Variants in LRRC8D observed in about 807,000 individuals in gnomAD.
LRRC8D encodes leucine rich repeat containing 8 VRAC subunit D.
A neutral mutation model predicts 55.8 loss-of-function variants in LRRC8D; 20 were observed. The ratio of observed to expected loss-of-function variants is 0.36; its 90% CI spans 0.25 to 0.52. The LOEUF is 0.52. LRRC8D is among the 20% of genes least tolerant of loss of function. The pLI, the probability that LRRC8D is intolerant of heterozygous loss-of-function variation, is 0.93. For synonymous variants in LRRC8D, 352 were observed against 377.0 expected (o/e 0.93, Z 0.77); for missense variants, 651 against 1,030.8 (o/e 0.63, Z 5.05).
At chr1:89,829,433 C>T (rs539375317) in intron 1 of LRRC8D, among the ~76,000 whole-genome samples, 20 of 152,270 alleles carry the variant, frequency 1.3e-4, no homozygotes, top group African/African-American at 2.9e-4. Context: ...ATAGAAGTGG[C>T]GGAGGTGGAA....
chr1:89,931,185 A>G (rs1663695937), intron 2 of LRRC8D, among the ~76,000 whole-genome samples: 1 of 144,470 alleles, frequency 6.9e-6, no homozygotes, highest in South Asian at 2.4e-4. Context: ...TCATTGCTGT[A>G]GTATTCATTG....
chr1:89,920,387 A>C (rs938584597), intron 2 of LRRC8D, among the ~76,000 whole-genome samples: 1 of 152,322 alleles, frequency 6.6e-6, no homozygotes, highest in Admixed American at 6.5e-5. Flanking sequence ...GTGGTTAGCA[A>C]AATGGGTGGT....
chr1:89,934,795 A>G lies in LRRC8D; in HGVS notation c.1727A>G (p.Asn576Ser), dbSNP rs373779774. Reference sequence around the variant, plus strand: ...ATAGGCAATTTGAACTCTGAAAACAATAAGATGATAGGACTTGAATCTCTC... The same window carrying G: ...ATAGGCAATTTGAACTCTGAAAACAGTAAGATGATAGGACTTGAATCTCTC... ...YLIGNLNSEN[N>S]KMIGLESLRE... The change falls in exon 3 of 3, where the codon AAT (asparagine) becomes AGT (serine). Residue 576 changes from asparagine (N) to serine (S), a missense_variant. Physicochemically the swap from Asn to Ser is conservative, Grantham distance 46 (BLOSUM62 1). This residue lies in a region of LRRC8D where 338 missense variants were observed against 479.4 expected (regional missense o/e 0.71). Coordinates refer to ENST00000337338, the MANE Select transcript of LRRC8D (RefSeq NM_001134479.2). This position sits in a 1 kb window ranked among gnomAD's most constrained non-coding sequence, Gnocchi z 5.9. The G allele has an allele frequency of 6.8e-6, 11 of 1,614,048 alleles. No homozygotes were observed. The highest frequency in any genetic ancestry group is 2.2e-5 in the East Asian group (1 of 44,900).
rs72716349 is a variant in LRRC8D at position 89,911,610 on chromosome 1, C to T, written c.-2-21457C>T. Among the ~76,000 whole-genome samples the T allele has an allele frequency of 0.012, 1,831 of 152,214 alleles. 12 individuals are homozygous for T. The highest frequency in any genetic ancestry group is 0.02 in the Non-Finnish European group (1,359 of 68,016). Reference sequence around the variant, plus strand: ...ACCCTCCCATCATACCTGCCTCCCCCGCTTGCTGTTGTACCAGCCTTTTGT... The same window carrying T: ...ACCCTCCCATCATACCTGCCTCCCCTGCTTGCTGTTGTACCAGCCTTTTGT... On this transcript the variant is annotated intron_variant, in intron 2 of 2. Transcript: ENST00000337338. The surrounding 1 kb of genome is among the most constrained non-coding windows in gnomAD (Gnocchi z 4.0).
intron 1 of LRRC8D, among the ~76,000 whole-genome samples, chr1:89,825,811 C>T (rs1321687971): frequency 6.6e-6 from 1 of 152,200 alleles, no homozygotes; most frequent in Admixed American, 6.5e-5. Flanking sequence ...CCAAGTTCTC[C>T]AAATACTCTA....
intron 2 of LRRC8D, among the ~76,000 whole-genome samples, chr1:89,925,083 G>T (rs1372225848): frequency 6.6e-6 from 1 of 152,142 alleles, no homozygotes; most frequent in Non-Finnish European, 1.5e-5. Context: ...AGTGAGCAAA[G>T]CTTCATCTGT....
At chr1:89,918,302 T>TA (rs1176018467) in intron 2 of LRRC8D, among the ~76,000 whole-genome samples, 2 of 152,236 alleles carry the variant, frequency 1.3e-5, no homozygotes, top group Non-Finnish European at 2.9e-5. Flanking sequence ...CAGCAGCTGT[T>TA]ACTCAGTGCT....
intron 2 of LRRC8D, among the ~76,000 whole-genome samples, chr1:89,896,293 G>A (rs758374661): frequency 4.7e-4 from 72 of 152,170 alleles, no homozygotes; most frequent in African/African-American, 1.7e-3. Context: ...GGAAGGGAGG[G>A]GTCGTAAACT....
intron 2 of LRRC8D, among the ~76,000 whole-genome samples, chr1:89,892,710 C>T (rs1474036898): frequency 1.3e-5 from 2 of 152,068 alleles, no homozygotes; most frequent in African/African-American, 2.4e-5. Flanking sequence ...TTAGTAGAGA[C>T]GGAGTTTCAC....
At chr1:89,886,474 A>G (rs774683282) in intron 2 of LRRC8D, among the ~76,000 whole-genome samples, 1 of 152,204 alleles carries the variant, frequency 6.6e-6, no homozygotes, top group Non-Finnish European at 1.5e-5. Flanking sequence ...GTAAAATCAT[A>G]GTAGCAATTA....
intron 2 of LRRC8D, among the ~76,000 whole-genome samples, chr1:89,873,298 G>A (rs1662067968): frequency 6.6e-6 from 1 of 152,246 alleles, no homozygotes; most frequent in Admixed American, 6.5e-5. Context: ...AGCCTTCTGG[G>A]AAGAGAATGC....
intron 1 of LRRC8D, among the ~76,000 whole-genome samples, chr1:89,823,816 G>C (rs972803989): frequency 6.6e-6 from 1 of 152,220 alleles, no homozygotes; most frequent in African/African-American, 2.4e-5. Flanking sequence ...TAAGAATCCA[G>C]GGTGTGTGGA....
intron 2 of LRRC8D, among the ~76,000 whole-genome samples, chr1:89,882,321 A>G (rs114889232): frequency 0.011 from 1,724 of 152,300 alleles, 38 homozygotes; most frequent in African/African-American, 0.04. Flanking sequence ...CTTGCTTCCT[A>G]CCATTCATTT....
At chr1:89,821,681 C>T (rs982872108) in intron 1 of LRRC8D, among the ~76,000 whole-genome samples, 1 of 152,116 alleles carries the variant, frequency 6.6e-6, no homozygotes, top group Non-Finnish European at 1.5e-5. Flanking sequence ...TGGTTCCTCC[C>T]GGAGGTGGGT....
At chr1:89,924,631 T>G (rs953737853) in intron 2 of LRRC8D, among the ~76,000 whole-genome samples, 1 of 152,220 alleles carries the variant, frequency 6.6e-6, no homozygotes, top group Non-Finnish European at 1.5e-5. Context: ...ATTGCAGCAC[T>G]ATTCACAATA....
At chr1:89,849,085 T>G (rs1661349017) in intron 2 of LRRC8D, among the ~76,000 whole-genome samples, 1 of 152,206 alleles carries the variant, frequency 6.6e-6, no homozygotes. Context: ...GATCCAGGTT[T>G]GTGCAGTCTC....
chr1:89,864,571 G>A (rs1054312465), intron 2 of LRRC8D, among the ~76,000 whole-genome samples: 6 of 151,966 alleles, frequency 3.9e-5, no homozygotes, highest in Non-Finnish European at 8.8e-5. Context: ...CTCCAGTTGC[G>A]GCCTCCATCA....
At chr1:89,880,450 G>A (rs1200604135) in intron 2 of LRRC8D, among the ~76,000 whole-genome samples, 2 of 148,928 alleles carry the variant, frequency 1.3e-5, no homozygotes, top group East Asian at 3.9e-4. Flanking sequence ...AAGAGACCTA[G>A]GTTTGATTTT....
At chr1:89,925,986 G>A (rs777245865) in intron 2 of LRRC8D, among the ~76,000 whole-genome samples, 2 of 152,242 alleles carry the variant, frequency 1.3e-5, no homozygotes, top group Non-Finnish European at 2.9e-5. Flanking sequence ...AACTGGGATA[G>A]CATTAAAGTT....
Sources: allele counts gnomAD v4.1 joint callset (sites outside exome capture counted in the v4.1 genomes callset), GRCh38; gene constraint gnomAD v4.1.1; regional missense constraint gnomAD v4.1.1; non-coding constraint Gnocchi (gnomAD v3.1); transcripts MANE v1.5; gene names NCBI Gene and HGNC (gene_info 2026-07-23, HGNC 2026-07-21).